FCN3: variants seen among roughly 807,000 people sequenced by gnomAD.
The protein encoded by FCN3 is ficolin 3, also known as ficolin-3.
FCN3 carries 28 observed loss-of-function variants against 31.5 expected under a neutral mutation model. The ratio of observed to expected loss-of-function variants is 0.89; its 90% CI spans 0.66 to 1.22. The LOEUF (loss-of-function observed/expected upper bound fraction) is 1.22, where lower values mean the gene tolerates loss of function less well. FCN3 is among the 50% of genes most tolerant of loss of function. FCN3 has a pLI of 0.00. For missense variants in FCN3, 351 were observed against 386.8 expected (o/e 0.91, Z 0.78); for synonymous variants, 124 against 147.4 (o/e 0.84, Z 1.15).
Position 27,374,720 on chromosome 1 carries a change from G to A in FCN3, c.91+8C>T, listed in dbSNP as rs767380723. The A allele has an allele frequency of 2.1e-6, 3 of 1,409,252 alleles. No individual in the cohort carries two copies. Among genetic ancestry groups the A allele is most frequent in the East Asian group, 2.6e-5 (1 of 37,860 alleles). The allele number at this position is 1,409,252 out of a possible 1,614,324, so 87.3% of individuals were successfully genotyped here. A position where few individuals can be genotyped will look rare whatever the true frequency, so the allele number is the denominator to read the frequency against. ...TGGGTTGGTGAGGAGGGCACCCTAG[G>A]TGCCCACCTGGGCAGCTGGGGTGTT... On this transcript the variant is annotated splice_region_variant and intron_variant, in intron 1 of 7. Coordinates refer to ENST00000270879, the MANE Select transcript of FCN3 (RefSeq NM_003665.4).
At chr1:27,371,505 G>A (rs1452550883) in intron 5 of FCN3, among the ~76,000 whole-genome samples, 3 of 151,210 alleles carry the variant, frequency 2.0e-5, no homozygotes, top group African/African-American at 7.3e-5. Context: ...GAACCTGGGA[G>A]GTGGAGGTTG....
In FCN3 at chr1:27,373,515, G is replaced by A. The variant is rs753804930; in HGVS notation, c.238C>T (p.Pro80Ser). 1.9e-6 allele frequency: 3 copies of A among 1,613,934 alleles called. No individual in the cohort carries two copies. Among genetic ancestry groups the A allele is most frequent in the Non-Finnish European group, 2.5e-6 (3 of 1,179,970 alleles). The change falls in exon 4 of 8, where the codon CCA becomes TCA. Residue 80 changes from proline to serine, a missense_variant. Transcript: ENST00000270879. ...TCCTGGCACCGGAGCAGGTTCACTG[G>A]ATCTCCTGCCCCAGAGAAGGGATGA... ...KMGPKGEPGD[P>S]VNLLRCQEGP...
chr1:27,370,789 A>G (rs2016130342), intron 6 of FCN3, 54 bp downstream of exon 6: 1 of 1,611,134 alleles, frequency 6.2e-7, no homozygotes, highest in Non-Finnish European at 8.5e-7. Flanking sequence ...TGGGGCAGGG[A>G]TTCAGGATGG....
intron 5 of FCN3, among the ~76,000 whole-genome samples, chr1:27,371,900 C>T (rs1456631388): frequency 2.0e-5 from 3 of 152,192 alleles, no homozygotes; most frequent in Middle Eastern, 3.4e-3. Context: ...GCTGGGATTA[C>T]AGGCACCTGC....
At position 27,370,734 on chromosome 1, in the gene FCN3, G is replaced by T. The variant is rs868134507; in HGVS notation, c.524-4C>A. On this transcript the variant is annotated splice_region_variant and splice_polypyrimidine_tract_variant and intron_variant, in intron 6 of 7. Coordinates refer to ENST00000270879, the MANE Select transcript of FCN3 (RefSeq NM_003665.4). The stretch of plus-strand genomic sequence containing the variant: ...TCTACCCGCAGCTCCCAGTTACCTG[G>T]AAAGAAGGGGAGGCAGGGATGGAGG... 5.0e-6 allele frequency: 8 copies of T among 1,614,070 alleles called. No individual in the cohort carries two copies. Among genetic ancestry groups the T allele is most frequent in the Non-Finnish European group, 6.8e-6 (8 of 1,179,916 alleles).
intron 7 of FCN3, 119 bp from the exon 8 acceptor site, chr1:27,369,596 G>T: frequency 2.2e-6 from 2 of 911,602 alleles, no homozygotes; most frequent in Non-Finnish European, 3.4e-6. Flanking sequence ...GGCCCCACGA[G>T]CAACACCAAG....
intron 7 of FCN3, among the ~76,000 whole-genome samples, chr1:27,370,262 G>T (rs1344532190): frequency 1.3e-5 from 2 of 152,006 alleles, no homozygotes; most frequent in South Asian, 2.1e-4. Context: ...GCCCGCCTCG[G>T]CCTCCCAGAG....
chr1:27,369,635 G>C (rs976544463), intron 7 of FCN3, among the ~76,000 whole-genome samples, 158 bp from the exon 8 acceptor site: 2 of 152,178 alleles, frequency 1.3e-5, no homozygotes, highest in African/African-American at 4.8e-5. Context: ...AGGGTTACTC[G>C]GCTGGTTGAA....
intron 3 of FCN3, 58 bp downstream of exon 3, chr1:27,373,907 C>T: frequency 6.9e-7 from 1 of 1,457,620 alleles, no homozygotes; most frequent in Non-Finnish European, 9.6e-7. Flanking sequence ...AGATCCCACC[C>T]TAGAGTCCAG....
At chr1:27,373,315 C>T (rs1299455154) in intron 4 of FCN3, 52 bp from the exon 5 acceptor site, 2 of 1,609,840 alleles carry the variant, frequency 1.2e-6, no homozygotes, top group African/African-American at 1.3e-5. Flanking sequence ...CCCTGACCCC[C>T]ACCCCCAGGC....
At position 27,370,922 on chromosome 1, in the gene FCN3, G is replaced by A; in HGVS notation, c.444C>T (p.Ser148=). The change falls in exon 6 of 8, where the codon TCC becomes TCT. Residue 148 remains serine, a synonymous_variant. Coordinates refer to ENST00000270879, the MANE Select transcript of FCN3 (RefSeq NM_003665.4). ...DGSVDFFRSW[S]SYRAGFGNQE... is the part of the protein sequence containing the mutation. Reference sequence around the variant, plus strand: ...GGTTCCCAAAACCTGCTCTGTAGGAGGACCAAGAGCGGAAGAAATCCACAG... The same window carrying A: ...GGTTCCCAAAACCTGCTCTGTAGGAAGACCAAGAGCGGAAGAAATCCACAG... The A allele has an allele frequency of 1.9e-6, 3 of 1,613,926 alleles. No homozygotes were observed. The highest frequency in any genetic ancestry group is 1.7e-4 in the Middle Eastern group (1 of 5,974).
At chr1:27,371,135 T>C (rs2016138472) in intron 5 of FCN3, among the ~76,000 whole-genome samples, 163 bp from the exon 6 acceptor site, 1 of 152,202 alleles carries the variant, frequency 6.6e-6, no homozygotes, top group South Asian at 2.1e-4. Context: ...CTATGAACTC[T>C]ACATTCCCTT....
At position 27,369,316 on chromosome 1, in the gene FCN3, C is replaced by T. The variant is rs745599639; in HGVS notation, c.820G>A (p.Ala274Thr). 3.7e-6 allele frequency: 6 copies of T among 1,614,094 alleles called. No individual in the cohort carries two copies. Among genetic ancestry groups the T allele is most frequent in the Admixed American group, 1.7e-5 (1 of 60,008 alleles). ...GCCCAGTCAATGCCATATTTGTGGG[C>T]GGCAGCCTCAGACACTGCATAGCGA... ...NGRYAVSEAA[A>T]HKYGIDWASG... is the part of the protein sequence containing the mutation. The change falls in exon 8 of 8, where the codon GCC (alanine) becomes ACC (threonine). Residue 274 changes from alanine to threonine, a missense_variant. By Grantham distance (58) the Ala-to-Thr change is moderately conservative (BLOSUM62 0). Transcript: ENST00000270879.
Position 27,369,225 on chromosome 1 carries a change from G to A in FCN3, c.*11C>T, listed in dbSNP as rs774112351. ...TACAGGAGAGATAAGGGCACTGGCTGCCAGAGTGCCCTATCGAAGCATCAT... is the reference window on the plus strand; with the variant it reads ...TACAGGAGAGATAAGGGCACTGGCTACCAGAGTGCCCTATCGAAGCATCAT... On this transcript the variant is annotated 3_prime_UTR_variant, in exon 8 of 8. Coordinates refer to ENST00000270879, the MANE Select transcript of FCN3 (RefSeq NM_003665.4). 3 of 1,613,684 alleles carry A rather than the reference G, an allele frequency of 1.9e-6. No homozygotes were observed. The African/African-American group carries it at 4.0e-5, about 22-fold the overall frequency.
At chr1:27,374,503 C>A in intron 1 of FCN3, 52 bp from the exon 2 acceptor site, 1 of 1,230,770 alleles carries the variant, frequency 8.1e-7, no homozygotes, top group Non-Finnish European at 1.2e-6. Flanking sequence ...CTCTTCCAGA[C>A]CCCTCTTCAG....
rs766968789 is a variant in FCN3, at chr1:27,373,254, T to C, written c.275A>G (p.Asn92Ser). Residue 92 changes from asparagine to serine, a missense_variant, in exon 5 of 8, where the codon AAC becomes AGC. Physicochemically the swap from Asn to Ser is conservative, Grantham distance 46. Transcript: ENST00000270879. ...NLLRCQEGPRNCRELLSQGAT... is the reference protein window; with the variant it reads ...NLLRCQEGPRSCRELLSQGAT... ...GCCCTGGCTCAACAGCTCCCGGCAG[T>C]TTCTGGGGCCTGGGAAAGGGGAGAT... 1.9e-6 allele frequency: 3 copies of C among 1,613,866 alleles called. No individual in the cohort carries two copies. The highest frequency in any genetic ancestry group is 8.5e-7 in the Non-Finnish European group (1 of 1,179,974).
Position 27,370,868 on chromosome 1 carries a change from C to G in FCN3, c.498G>C (p.Glu166Asp), listed in dbSNP as rs56405086. The G allele has an allele frequency of 1.1e-3, 1,810 of 1,614,128 alleles. 35 individuals are homozygous for G. The East Asian group carries it at 0.035, about 31-fold the overall frequency. ...CCTGGAGAGTAAGCTGGTGCAAATT[C>G]TCATTTCCCAGCCAGAATTCAGACT... ...NQESEFWLGN[E>D]NLHQLTLQGN... The change falls in exon 6 of 8, where the codon GAG becomes GAC. Residue 166 changes from glutamate to aspartate, a missense_variant. Transcript: ENST00000270879.
chr1:27,371,290 A>G lies in FCN3; in HGVS notation c.394-318T>C, dbSNP rs1036207662. ...ATAACCCAATTTCATTTACTATAAG[A>G]ACCAAGAACGCTTGGTGGCTCATGC... is the stretch of plus-strand genomic sequence containing the variant. On this transcript the variant is annotated intron_variant, in intron 5 of 7. Coordinates refer to ENST00000270879, the MANE Select transcript of FCN3 (RefSeq NM_003665.4). Among the ~76,000 whole-genome samples, 38 of 137,484 alleles carry G rather than the reference A, an allele frequency of 2.8e-4. 1 individual carries two copies. Among genetic ancestry groups the G allele is most frequent in the Admixed American group, 2.5e-3 (36 of 14,156 alleles). 90.2% of individuals were successfully genotyped at this position (137,484 alleles called of 152,430 possible). A position where few individuals can be genotyped will look rare whatever the true frequency, so the allele number is the denominator to read the frequency against.
At chr1:27,370,763 C>T in intron 6 of FCN3, 33 bp from the exon 7 acceptor site, 1 of 1,612,894 alleles carries the variant, frequency 6.2e-7, no homozygotes, top group Non-Finnish European at 8.5e-7. Flanking sequence ...ATGGAGGAAT[C>T]CTCAGTTCTT....
Sources: allele counts gnomAD v4.1 joint callset (sites outside exome capture counted in the v4.1 genomes callset), GRCh38; gene constraint gnomAD v4.1.1; transcripts MANE v1.5; gene names NCBI Gene and HGNC (gene_info 2026-07-23, HGNC 2026-07-21).